Variants in UBAC2 observed in about 807,000 individuals in gnomAD.
The protein encoded by UBAC2 is UBA domain containing 2, also known as ubiquitin-associated domain-containing protein 2.
In UBAC2, 26 loss-of-function variants were observed where a neutral mutation model predicts 44.0. That is an observed-to-expected ratio of 0.59 (90% CI 0.43 to 0.82). The LOEUF (loss-of-function observed/expected upper bound fraction) is 0.82. UBAC2 is among the 40% of genes least tolerant of loss of function. UBAC2 has a pLI of 0.00. For missense variants in UBAC2, 329 were observed against 419.4 expected (o/e 0.78, Z 1.88); for synonymous variants, 155 against 154.3 (o/e 1.00, Z -0.04).
intron 4 of UBAC2, among the ~76,000 whole-genome samples, chr13:99,260,672 T>C (rs1343927475): frequency 6.6e-6 from 1 of 152,200 alleles, no homozygotes; most frequent in East Asian, 1.9e-4. Context: ...ATTCAACTTG[T>C]ATAATGTAGA....
In UBAC2 at chr13:99,347,196, A is replaced by G. The variant is rs181636333; in HGVS notation, c.807+6631A>G. 3.2e-3 allele frequency among the ~76,000 whole-genome samples: 195 copies of G among 60,316 alleles called. 2 individuals are homozygous for G. Among genetic ancestry groups the G allele is most frequent in the African/African-American group, 6.4e-3 (168 of 26,444 alleles). The allele number at this position is 60,316 out of a possible 152,430, so 39.6% of individuals were successfully genotyped here. Reference sequence around the variant, plus strand: ...CCATGTCTAGAGAGTGCAAAGAGGGAAAAAAAAGAACCCCCAGGGACCAAG... The same window carrying G: ...CCATGTCTAGAGAGTGCAAAGAGGGGAAAAAAAGAACCCCCAGGGACCAAG... On this transcript the variant is annotated intron_variant, in intron 7 of 8. Coordinates refer to ENST00000403766, the MANE Select transcript of UBAC2 (RefSeq NM_001144072.2).
At chr13:99,208,163 A>T (rs1399115001) in intron 1 of UBAC2, among the ~76,000 whole-genome samples, 1 of 151,712 alleles carries the variant, frequency 6.6e-6, no homozygotes, top group African/African-American at 2.4e-5. Context: ...ACGCCTGGCT[A>T]ATTTTGTATT....
intron 1 of UBAC2, among the ~76,000 whole-genome samples, chr13:99,208,715 G>T (rs1186496089): frequency 2.0e-5 from 3 of 152,160 alleles, no homozygotes; most frequent in African/African-American, 4.8e-5. Flanking sequence ...GACTTCACTA[G>T]TTTCTGGATT....
chr13:99,331,781 G>GCTTT (rs2138809253), intron 6 of UBAC2, among the ~76,000 whole-genome samples: 2 of 152,328 alleles, frequency 1.3e-5, no homozygotes, highest in South Asian at 4.1e-4. Context: ...GTTCCCTTAT[G>GCTTT]CTTTCTCTAA....
intron 5 of UBAC2, 50 bp from the exon 6 acceptor site, chr13:99,317,972 G>A (rs1490018019): frequency 5.5e-6 from 8 of 1,458,506 alleles, no homozygotes; most frequent in Non-Finnish European, 5.7e-6. Flanking sequence ...AGTGTGCTGT[G>A]ACTGGCAGTT....
At chr13:99,278,908 AG>A (rs2138680328) in intron 4 of UBAC2, among the ~76,000 whole-genome samples, 1 of 152,332 alleles carries the variant, frequency 6.6e-6, no homozygotes, top group South Asian at 2.1e-4. Context: ...AGAAACTGTC[AG>A]GCTTATGGTT....
At chr13:99,213,892 T>C (rs866308661) in intron 1 of UBAC2, among the ~76,000 whole-genome samples, 2 of 152,200 alleles carry the variant, frequency 1.3e-5, no homozygotes, top group African/African-American at 4.8e-5. Context: ...TGATCTCAGC[T>C]CACTGCAAGC....
chr13:99,227,551 G>T (rs1177472050), intron 1 of UBAC2, among the ~76,000 whole-genome samples: 1 of 152,216 alleles, frequency 6.6e-6, no homozygotes, highest in Non-Finnish European at 1.5e-5. Context: ...GTCCTACCAT[G>T]TGTTTGGGAA....
intron 3 of UBAC2, 48 bp from the exon 4 acceptor site, chr13:99,244,467 T>G: frequency 1.5e-6 from 2 of 1,334,530 alleles, no homozygotes; most frequent in Non-Finnish European, 2.1e-6. Context: ...TGTTAGTTTA[T>G]TTTTAGGAGA....
At chr13:99,350,497 A>G (rs1007188141) in intron 7 of UBAC2, among the ~76,000 whole-genome samples, 3 of 151,876 alleles carry the variant, frequency 2.0e-5, no homozygotes, top group Non-Finnish European at 1.5e-5. Flanking sequence ...CTTCCATAAA[A>G]CCCCCAAAGG....
rs1393707254 is a variant in UBAC2 at position 99,295,126 on chromosome 13, T to C, written c.390-18971T>C. The C allele has an allele frequency of 6.2e-7, 1 of 1,614,024 alleles. No homozygotes were observed. Among genetic ancestry groups the C allele is most frequent in the African/African-American group, 1.3e-5 (1 of 74,936 alleles). On this transcript the variant is annotated intron_variant, in intron 4 of 8. Transcript: ENST00000403766. The surrounding 1 kb of genome is among the most constrained non-coding windows in gnomAD (Gnocchi z 4.1). ...TTTCTGTCATTTCACGTGAATTTTCTTCAGGGGCTGACTTCACAGCACTAG... is the reference window on the plus strand; with the variant it reads ...TTTCTGTCATTTCACGTGAATTTTCCTCAGGGGCTGACTTCACAGCACTAG...
At chr13:99,236,811 C>T (rs1198330806) in intron 1 of UBAC2, among the ~76,000 whole-genome samples, 3 of 152,068 alleles carry the variant, frequency 2.0e-5, no homozygotes, top group African/African-American at 7.2e-5. Flanking sequence ...GATGGCACCA[C>T]TTCACTCCAG....
intron 8 of UBAC2, among the ~76,000 whole-genome samples, chr13:99,379,609 A>C (rs2045524371): frequency 1.3e-5 from 2 of 152,150 alleles, no homozygotes; most frequent in Non-Finnish European, 2.9e-5. Context: ...TCGGTACATG[A>C]TCAGGATCTT....
At chr13:99,323,895 C>G (rs1449611454) in intron 6 of UBAC2, among the ~76,000 whole-genome samples, 2 of 152,094 alleles carry the variant, frequency 1.3e-5, no homozygotes, top group Non-Finnish European at 2.9e-5. Context: ...TGAAATGATG[C>G]CATTGTCTTA....
intron 1 of UBAC2, among the ~76,000 whole-genome samples, chr13:99,219,838 T>C (rs1347055059): frequency 6.6e-6 from 1 of 152,200 alleles, no homozygotes; most frequent in East Asian, 1.9e-4. Flanking sequence ...TATGACTGGC[T>C]TTTTTTCACT....
At chr13:99,262,258 G>A (rs1484991003) in intron 4 of UBAC2, among the ~76,000 whole-genome samples, 1 of 152,032 alleles carries the variant, frequency 6.6e-6, no homozygotes, top group Non-Finnish European at 1.5e-5. Context: ...TTTATCATAG[G>A]TATGTATGTA....
chr13:99,265,738 T>C (rs1231857729), intron 4 of UBAC2, among the ~76,000 whole-genome samples: 1 of 152,212 alleles, frequency 6.6e-6, no homozygotes, highest in African/African-American at 2.4e-5. Context: ...TGTTTTTCTG[T>C]AAGAAAGGTT....
chr13:99,212,699 C>T (rs1201654260), intron 1 of UBAC2, among the ~76,000 whole-genome samples: 1 of 152,120 alleles, frequency 6.6e-6, no homozygotes, highest in African/African-American at 2.4e-5. Context: ...CATTATACTG[C>T]CCAGATTTGA....
At chr13:99,333,098 G>C (rs79101016) in intron 6 of UBAC2, among the ~76,000 whole-genome samples, 7 of 151,884 alleles carry the variant, frequency 4.6e-5, no homozygotes, top group Admixed American at 2.0e-4. Flanking sequence ...CCCGTCTCTG[G>C]GGGGGGAAGA....
Sources: allele counts gnomAD v4.1 joint callset (sites outside exome capture counted in the v4.1 genomes callset), GRCh38; gene constraint gnomAD v4.1.1; non-coding constraint Gnocchi (gnomAD v3.1); transcripts MANE v1.5; gene names NCBI Gene and HGNC (gene_info 2026-07-23, HGNC 2026-07-21).